The following APBA1 variants were observed in gnomAD, a reference collection of about 807,000 sequenced individuals.
APBA1 encodes the protein amyloid beta precursor protein binding family A member 1, also known as amyloid-beta A4 precursor protein-binding family A member 1.
A neutral mutation model predicts 86.6 loss-of-function variants in APBA1; 55 were observed. That is an observed-to-expected ratio of 0.64 (90% CI 0.51 to 0.80). APBA1 has a LOEUF of 0.80. Ranked by LOEUF, APBA1 falls within the 30% of genes least tolerant of loss-of-function variation. The probability of loss-of-function intolerance (pLI) is 0.00; values close to 1 mark genes in which losing one functional copy is unlikely to be tolerated. For synonymous variants in APBA1, 511 were observed against 493.9 expected, an observed-to-expected ratio of 1.03 and a Z score of -0.46; for missense variants, 1,090 against 1,183.0, an observed-to-expected ratio of 0.92 and a Z score of 1.15.
chr9:69,592,324 C>A (rs1396115184), intron 1 of APBA1, among the ~76,000 whole-genome samples: 2 of 152,176 alleles, frequency 1.3e-5, no homozygotes, highest in African/African-American at 4.8e-5. Context: ...CAGACAGAAG[C>A]AGTGGCTCTG....
At chr9:69,519,110 C>G (rs1836212354) in intron 1 of APBA1, among the ~76,000 whole-genome samples, 1 of 152,212 alleles carries the variant, frequency 6.6e-6, no homozygotes. Flanking sequence ...CTGAGAACAG[C>G]GACTGTGGAC....
chr9:69,578,073 A>T (rs1029506669), intron 1 of APBA1, among the ~76,000 whole-genome samples: 2 of 152,206 alleles, frequency 1.3e-5, no homozygotes, highest in African/African-American at 4.8e-5. Flanking sequence ...CCTAGAGGCA[A>T]ATTAGAAAAC....
intron 1 of APBA1, among the ~76,000 whole-genome samples, chr9:69,532,810 C>A (rs1039449568): frequency 6.6e-6 from 1 of 152,176 alleles, no homozygotes; most frequent in Non-Finnish European, 1.5e-5. Context: ...CCTTGATTTG[C>A]AATCATTAAT....
chr9:69,497,475 T>G (rs1361647211), intron 2 of APBA1, among the ~76,000 whole-genome samples: 1 of 152,152 alleles, frequency 6.6e-6, no homozygotes. Flanking sequence ...ACGATGAGGC[T>G]GCACAAGGGT....
chr9:69,554,912 A>G (rs1231733601), intron 1 of APBA1, among the ~76,000 whole-genome samples: 2 of 152,194 alleles, frequency 1.3e-5, no homozygotes, highest in Non-Finnish European at 2.9e-5. Flanking sequence ...CTCTCTTCAC[A>G]AGACCATTTC....
intron 1 of APBA1, among the ~76,000 whole-genome samples, chr9:69,614,212 G>A (rs1157231801): frequency 6.6e-6 from 1 of 152,002 alleles, no homozygotes; most frequent in Middle Eastern, 3.2e-3. Flanking sequence ...AAACCTTTTG[G>A]CATCTTTGAT....
rs533221617 is a variant in APBA1, at chr9:69,449,958, GTTT to G, written c.1969-165_1969-163del. ...CTTCTCAGCATTCCGCATATTTGGA[GTTT>G]TTAAGAAATGAATTCACACAGGTCT... On this transcript the variant is annotated intron_variant, in intron 9 of 12. Coordinates refer to ENST00000265381, the MANE Select transcript of APBA1 (RefSeq NM_001163.4). Among the ~76,000 whole-genome samples, 35 of 149,428 alleles carry G rather than the reference GTTT, an allele frequency of 2.3e-4. No individual in the cohort carries two copies. In the East Asian group the frequency reaches 5.6e-3, roughly 24 times the overall value.
At chr9:69,435,175 T>C (rs1196903469) in intron 11 of APBA1, among the ~76,000 whole-genome samples, 1 of 152,252 alleles carries the variant, frequency 6.6e-6, no homozygotes, top group African/African-American at 2.4e-5. Flanking sequence ...GTGCCACATT[T>C]TCTTAATCTA....
At chr9:69,503,023 AGT>A (rs1835902201) in intron 2 of APBA1, among the ~76,000 whole-genome samples, 1 of 152,170 alleles carries the variant, frequency 6.6e-6, no homozygotes. Flanking sequence ...GCCAAATGCA[AGT>A]GTGTGTGCTT....
chr9:69,634,661 T>C (rs1341783035), intron 1 of APBA1, among the ~76,000 whole-genome samples: 2 of 152,066 alleles, frequency 1.3e-5, no homozygotes, highest in East Asian at 1.9e-4. Context: ...AATAAGACTA[T>C]CTCAAGACAT....
intron 1 of APBA1, among the ~76,000 whole-genome samples, chr9:69,618,601 A>G (rs1391786624): frequency 6.6e-6 from 1 of 152,196 alleles, no homozygotes; most frequent in East Asian, 1.9e-4. Flanking sequence ...TGTGGCTATG[A>G]AAAATCAGAC....
intron 11 of APBA1, among the ~76,000 whole-genome samples, chr9:69,437,121 T>C (rs1387430013): frequency 6.6e-6 from 1 of 152,026 alleles, no homozygotes; most frequent in East Asian, 1.9e-4. Flanking sequence ...ATCCCAGGGA[T>C]GAAGCCCACT....
At chr9:69,640,558 C>T (rs1158523469) in intron 1 of APBA1, among the ~76,000 whole-genome samples, 3 of 151,846 alleles carry the variant, frequency 2.0e-5, no homozygotes, top group African/African-American at 7.3e-5. Flanking sequence ...GTCAACCAAC[C>T]ACCAGAGCCT....
intron 2 of APBA1, among the ~76,000 whole-genome samples, chr9:69,502,262 G>C (rs889304459): frequency 6.6e-6 from 1 of 152,060 alleles, no homozygotes; most frequent in East Asian, 1.9e-4. Context: ...GATGGTGATG[G>C]TCTGATGTCA....
chr9:69,632,865 G>A (rs1244973838), intron 1 of APBA1, among the ~76,000 whole-genome samples: 1 of 152,076 alleles, frequency 6.6e-6, no homozygotes, highest in East Asian at 1.9e-4. Flanking sequence ...TGTATCATTG[G>A]GCTTCCTCGT....
chr9:69,470,767 C>G (rs1348941180), intron 4 of APBA1, among the ~76,000 whole-genome samples: 4 of 152,198 alleles, frequency 2.6e-5, no homozygotes, highest in African/African-American at 9.7e-5. Context: ...TGGCGATGCA[C>G]CCAGGTGGAC....
intron 1 of APBA1, among the ~76,000 whole-genome samples, chr9:69,638,203 T>C (rs767804990): frequency 2.6e-5 from 4 of 152,234 alleles, no homozygotes; most frequent in Admixed American, 2.0e-4. Context: ...TCTAGCTTTA[T>C]GAATGAAATG....
At chr9:69,603,773 G>A (rs986902959) in intron 1 of APBA1, among the ~76,000 whole-genome samples, 2 of 152,222 alleles carry the variant, frequency 1.3e-5, no homozygotes, top group Non-Finnish European at 2.9e-5. Context: ...GAGAGTGAAA[G>A]CAGGCATCAT....
At chr9:69,626,848 G>A (rs1236394728) in intron 1 of APBA1, among the ~76,000 whole-genome samples, 1 of 151,172 alleles carries the variant, frequency 6.6e-6, no homozygotes, top group African/African-American at 2.4e-5. Flanking sequence ...ATGTCAGCCA[G>A]TAAGCCCTCA....
Sources: gnomAD v4.1 joint callset for allele counts (sites outside exome capture counted in the v4.1 genomes callset) on GRCh38, gnomAD v4.1.1 for gene constraint, MANE v1.5 for transcripts, NCBI Gene and HGNC (gene_info 2026-07-23, HGNC 2026-07-21) for gene names.